The following EEA1 variants were observed in gnomAD, a reference collection of about 807,000 sequenced individuals.
EEA1 encodes early endosome antigen 1, 162kD.
EEA1 carries 111 observed loss-of-function variants against 209.2 expected under a neutral mutation model. The observed-to-expected ratio is 0.53, with a 90% CI of 0.45 to 0.62. The LOEUF (loss-of-function observed/expected upper bound fraction) is 0.62. Among genes scored for constraint, EEA1 ranks in the 20% least tolerant of loss-of-function variants. The probability of loss-of-function intolerance (pLI) is 0.00; values close to 1 mark genes in which losing one functional copy is unlikely to be tolerated. For synonymous variants in EEA1, 536 were observed against 540.6 expected, an observed-to-expected ratio of 0.99 and a Z score of 0.12; for missense variants, 1,343 against 1,530.8, an observed-to-expected ratio of 0.88 and a Z score of 2.05.
intron 10 of EEA1, among the ~76,000 whole-genome samples, chr12:92,834,893 CTTTTTT>C (rs1876842745): frequency 7.0e-6 from 1 of 143,612 alleles, no homozygotes; most frequent in African/African-American, 2.6e-5. Context: ...TTTTCTTTTT[CTTTTTT>C]GAGACAGTCT....
chr12:92,812,017 T>G, intron 16 of EEA1, among the ~76,000 whole-genome samples: 1 of 152,252 alleles, frequency 6.6e-6, no homozygotes, highest in Middle Eastern at 3.4e-3. Context: ...TTGATATACT[T>G]CTGTATTGTT....
intron 19 of EEA1, among the ~76,000 whole-genome samples, chr12:92,801,912 TCAAC>T (rs961423849): frequency 3.3e-5 from 5 of 151,704 alleles, no homozygotes; most frequent in African/African-American, 1.2e-4. Context: ...GTTTTGATCA[TCAAC>T]CAAGTCACAA....
intron 13 of EEA1, among the ~76,000 whole-genome samples, chr12:92,822,730 C>T (rs1366792761): frequency 2.6e-5 from 4 of 152,156 alleles, no homozygotes; most frequent in Non-Finnish European, 4.4e-5. Context: ...ATCACATCTA[C>T]TCTAATAATT....
chr12:92,889,010 G>C (rs1376459572), intron 2 of EEA1, among the ~76,000 whole-genome samples: 1 of 151,892 alleles, frequency 6.6e-6, no homozygotes, highest in African/African-American at 2.4e-5. Context: ...AAATTCGCAG[G>C]GTGTGGTGGC....
At chr12:92,928,347 C>T (rs972078784) in intron 1 of EEA1, among the ~76,000 whole-genome samples, 3 of 152,158 alleles carry the variant, frequency 2.0e-5, no homozygotes, top group Non-Finnish European at 4.4e-5. Flanking sequence ...AGTGTATATA[C>T]CACTTGATCA....
intron 9 of EEA1, among the ~76,000 whole-genome samples, chr12:92,846,568 C>T (rs970097246): frequency 4.6e-5 from 7 of 152,086 alleles, no homozygotes; most frequent in Middle Eastern, 3.4e-3. Flanking sequence ...AAATACTACA[C>T]CAAATATAAG....
intron 1 of EEA1, among the ~76,000 whole-genome samples, chr12:92,898,565 G>A (rs1302552029): frequency 6.6e-6 from 1 of 151,776 alleles, no homozygotes; most frequent in African/African-American, 2.4e-5. Context: ...TCGGGAGGCT[G>A]AGGCAGGAGA....
chr12:92,857,680 T>C (rs1877941861), intron 3 of EEA1, among the ~76,000 whole-genome samples, 195 bp from the exon 4 acceptor site: 1 of 152,190 alleles, frequency 6.6e-6, no homozygotes, highest in Admixed American at 6.5e-5. Flanking sequence ...AAGCTTACTG[T>C]TTATAAATGG....
chr12:92,903,982 G>A (rs1294862821), intron 1 of EEA1, among the ~76,000 whole-genome samples: 2 of 149,704 alleles, frequency 1.3e-5, no homozygotes, highest in South Asian at 2.1e-4. Context: ...TTTTTTTTGA[G>A]ACGGAGTTTC....
At chr12:92,776,629 T>C in intron 28 of EEA1, among the ~76,000 whole-genome samples, 1 of 151,908 alleles carries the variant, frequency 6.6e-6, no homozygotes, top group East Asian at 1.9e-4. Flanking sequence ...AGACAGTAAC[T>C]AAGTTGGAAG....
intron 18 of EEA1, among the ~76,000 whole-genome samples, chr12:92,808,175 G>A (rs1317886747): frequency 3.3e-5 from 5 of 152,034 alleles, no homozygotes; most frequent in Non-Finnish European, 7.4e-5. Context: ...CTGGTGTCAG[G>A]ATACCATATA....
chr12:92,798,838 T>A (rs1874767246), intron 21 of EEA1, 54 bp downstream of exon 21: 19 of 1,378,764 alleles, frequency 1.4e-5, no homozygotes, highest in Non-Finnish European at 1.8e-5. Context: ...ATCATACTAT[T>A]TTCTTAATTG....
At chr12:92,831,843 T>A (rs1357323974) in intron 11 of EEA1, among the ~76,000 whole-genome samples, 1 of 150,720 alleles carries the variant, frequency 6.6e-6, no homozygotes, top group African/African-American at 2.4e-5. Flanking sequence ...CCCAGCACTT[T>A]GGGAGGCCGA....
intron 11 of EEA1, among the ~76,000 whole-genome samples, chr12:92,831,833 C>T (rs1427703084): frequency 6.6e-6 from 1 of 151,322 alleles, no homozygotes; most frequent in African/African-American, 2.4e-5. Flanking sequence ...CGCCTGTAAT[C>T]CCAGCACTTT....
intron 2 of EEA1, among the ~76,000 whole-genome samples, chr12:92,873,026 C>T (rs1280665205): frequency 6.6e-6 from 1 of 152,108 alleles, no homozygotes; most frequent in African/African-American, 2.4e-5. Flanking sequence ...AAAATGAAGA[C>T]AGCAATAAGC....
chr12:92,782,973 G>A (rs947206455), intron 22 of EEA1, among the ~76,000 whole-genome samples: 3 of 152,250 alleles, frequency 2.0e-5, no homozygotes, highest in African/African-American at 7.2e-5. Flanking sequence ...GGGCACGGAA[G>A]CTCTGTGCCC....
intron 22 of EEA1, among the ~76,000 whole-genome samples, chr12:92,782,871 A>G (rs1434186516): frequency 6.6e-6 from 1 of 152,126 alleles, no homozygotes; most frequent in Non-Finnish European, 1.5e-5. Context: ...CCCTGGGTGA[A>G]AGAATGCTTC....
chr12:92,854,026 A>G lies in EEA1; in HGVS notation c.367-72T>C, dbSNP rs1877754495. On this transcript the variant is annotated intron_variant, in intron 5 of 28. Transcript: ENST00000322349. ...TAATACTGTTAAAATGGTCAATGTT[A>G]AAAAATCTCTGAAAGTCACTTTCTT... The G allele has an allele frequency of 8.2e-6, 10 of 1,219,088 alleles. No homozygotes were observed. In the Admixed American group the frequency reaches 2.2e-4, roughly 27 times the overall value. The allele number at this position is 1,219,088 out of a possible 1,614,324, so 75.5% of individuals were successfully genotyped here. A position where few individuals can be genotyped will look rare whatever the true frequency, so the allele number is the denominator to read the frequency against.
chr12:92,836,529 G>C (rs1876937857), intron 10 of EEA1, among the ~76,000 whole-genome samples: 1 of 152,102 alleles, frequency 6.6e-6, no homozygotes, highest in African/African-American at 2.4e-5. Flanking sequence ...CATCTCACTT[G>C]TTCCTCAGAA....
Sources: gnomAD v4.1 joint callset for allele counts (sites outside exome capture counted in the v4.1 genomes callset) on GRCh38, gnomAD v4.1.1 for gene constraint, MANE v1.5 for transcripts, NCBI Gene and HGNC (gene_info 2026-07-23, HGNC 2026-07-21) for gene names.